FCF1: variants seen among roughly 807,000 people sequenced by gnomAD.
The protein encoded by FCF1 is rRNA-processing protein FCF1 homolog.
Under a neutral mutation model 32.5 loss-of-function variants are expected in FCF1, and 17 were observed. That is an observed-to-expected ratio of 0.52 (90% confidence interval 0.36 to 0.78). The LOEUF is 0.78. Ranked by LOEUF, FCF1 falls within the 30% of genes least tolerant of loss-of-function variation. FCF1 has a pLI of 0.00. For synonymous variants in FCF1, 84 were observed against 78.4 expected, an observed-to-expected ratio of 1.07 and a Z score of -0.38; for missense variants, 201 against 241.1, an observed-to-expected ratio of 0.83 and a Z score of 1.10.
At chr14:74,729,137 C>T (rs887751699) in intron 5 of FCF1, among the ~76,000 whole-genome samples, 3 of 152,100 alleles carry the variant, frequency 2.0e-5, no homozygotes, top group South Asian at 2.1e-4. Flanking sequence ...AGGGAGTATT[C>T]CCTCTTTTTC....
intron 6 of FCF1, 126 bp from the exon 7 acceptor site, chr14:74,733,950 C>T (rs3784021): frequency 0.22 from 138,724 of 622,850 alleles, 16,229 homozygotes; most frequent in South Asian, 0.31. Context: ...ATTGTTATAG[C>T]CTGCCCTTCG....
At chr14:74,718,943 A>C (rs1424113761) in intron 4 of FCF1, among the ~76,000 whole-genome samples, 1 of 151,904 alleles carries the variant, frequency 6.6e-6, no homozygotes, top group African/African-American at 2.4e-5. Flanking sequence ...CAGCCCGGCC[A>C]ACATGGTGAA....
At chr14:74,723,041 G>GT (rs1249355247) in intron 4 of FCF1, among the ~76,000 whole-genome samples, 7 of 151,958 alleles carry the variant, frequency 4.6e-5, no homozygotes, top group East Asian at 1.9e-4. Flanking sequence ...GTTCAGCTTA[G>GT]TTTTTTTTCC....
At position 74,730,286 on chromosome 14, in the gene FCF1, C is replaced by T. The variant is rs2090618459; in HGVS notation, c.366-2445C>T. 3.4e-5 allele frequency among the ~76,000 whole-genome samples: 5 copies of T among 149,064 alleles called. No homozygotes were observed. The Admixed American group carries it at 3.4e-4, about 10-fold the overall frequency. ...GGAGTGCAGTGATGCTATCACAGCT[C>T]ACTGCAGCCTTGACCTCTCCGGCTC... On this transcript the variant is annotated intron_variant, in intron 5 of 7. Coordinates refer to ENST00000341162, the MANE Select transcript of FCF1 (RefSeq NM_015962.5).
rs535610884 is a variant in FCF1, at chr14:74,725,144, A to G, written c.365+1800A>G. ...TGGAGTCAAGTATTGGCATCTTCTT[A>G]TGTACGTAATAGCAAAAAATTGCAG... On this transcript the variant is annotated intron_variant, in intron 5 of 7. Coordinates refer to ENST00000341162, the MANE Select transcript of FCF1 (RefSeq NM_015962.5). 6.4e-4 allele frequency among the ~76,000 whole-genome samples: 97 copies of G among 151,958 alleles called. 1 individual carries two copies. Among genetic ancestry groups the G allele is most frequent in the Non-Finnish European group, 1.3e-3 (91 of 67,978 alleles).
At chr14:74,723,370 T>A in intron 5 of FCF1, 26 bp downstream of exon 5, 1 of 1,511,834 alleles carries the variant, frequency 6.6e-7, no homozygotes, top group Non-Finnish European at 9.2e-7. Context: ...ACTAGATCTG[T>A]TCTAGATTGG....
At position 74,722,368 on chromosome 14, in the gene FCF1, G is replaced by C. The variant is rs1049461916; in HGVS notation, c.293-904G>C. Among the ~76,000 whole-genome samples the C allele has an allele frequency of 2.0e-5, 3 of 152,094 alleles. No individual in the cohort carries two copies. The East Asian group carries it at 5.8e-4, about 29-fold the overall frequency. On this transcript the variant is annotated intron_variant, in intron 4 of 7. Transcript: ENST00000341162. Reference sequence around the variant, plus strand: ...CGGCCAATATTGGATATTTTCATCTGTTTAATCTTTGCCACTCTTCTAGGT... The same window carrying C: ...CGGCCAATATTGGATATTTTCATCTCTTTAATCTTTGCCACTCTTCTAGGT...
chr14:74,716,000 C>T lies in FCF1; in HGVS notation c.193C>T (p.Pro65Ser). ...LFFQYNTQLG[P>S]PYHILVDTNF... ...TTTCCAATATAATACACAGCTGGGC[C>T]CACCTTACCACATCCTCGTTGATAC... The change falls in exon 4 of 8, where the codon CCA (proline) becomes TCA (serine). Residue 65 changes from proline (P) to serine (S), a missense_variant. Coordinates refer to ENST00000341162, the MANE Select transcript of FCF1 (RefSeq NM_015962.5). 1 of 1,613,896 alleles carries T rather than the reference C, an allele frequency of 6.2e-7. No individual in the cohort carries two copies.
chr14:74,720,363 C>T (rs1266331637), intron 4 of FCF1, among the ~76,000 whole-genome samples: 5 of 152,120 alleles, frequency 3.3e-5, no homozygotes, highest in Non-Finnish European at 5.9e-5. Flanking sequence ...CAACCCTCAC[C>T]ATTCTCTCTA....
chr14:74,725,150 G>A (rs11845499), intron 5 of FCF1, among the ~76,000 whole-genome samples: 5,739 of 151,778 alleles, frequency 0.038, 398 homozygotes, highest in African/African-American at 0.13. Flanking sequence ...TCTTATGTAC[G>A]TAATAGCAAA....
intron 3 of FCF1, 47 bp downstream of exon 3, chr14:74,714,990 T>C: frequency 6.5e-7 from 1 of 1,537,622 alleles, no homozygotes; most frequent in Non-Finnish European, 8.7e-7. Flanking sequence ...CATAGACCTC[T>C]TAGAAATCCA....
chr14:74,734,032 T>C (rs984120053), intron 6 of FCF1, 44 bp from the exon 7 acceptor site: 2 of 1,274,134 alleles, frequency 1.6e-6, no homozygotes, highest in Non-Finnish European at 1.1e-6. Context: ...TCACTAAGCG[T>C]GCTCAGTGAC....
In FCF1 at chr14:74,734,062, C is replaced by T; in HGVS notation, c.454-14C>T. The T allele has an allele frequency of 1.3e-6, 2 of 1,586,690 alleles. No individual in the cohort carries two copies. Among genetic ancestry groups the T allele is most frequent in the Non-Finnish European group, 1.7e-6 (2 of 1,155,204 alleles). ...AGTGACCTCAGTGTGAACATCACTCCATGTCTCTTACAGCATAAGTGTTAC... is the reference window on the plus strand; with the variant it reads ...AGTGACCTCAGTGTGAACATCACTCTATGTCTCTTACAGCATAAGTGTTAC... On this transcript the variant is annotated splice_polypyrimidine_tract_variant and intron_variant, in intron 6 of 7. Coordinates refer to ENST00000341162, the MANE Select transcript of FCF1 (RefSeq NM_015962.5).
chr14:74,729,004 C>T (rs2090603310), intron 5 of FCF1, among the ~76,000 whole-genome samples: 1 of 152,124 alleles, frequency 6.6e-6, no homozygotes, highest in East Asian at 1.9e-4. Flanking sequence ...TTTGATTTTC[C>T]CGTATTTTAT....
chr14:74,723,250 T>C lies in FCF1; in HGVS notation c.293-22T>C, dbSNP rs183412051. On this transcript the variant is annotated intron_variant, in intron 4 of 7. Coordinates refer to ENST00000341162, the MANE Select transcript of FCF1 (RefSeq NM_015962.5). Reference sequence around the variant, plus strand: ...ATTTCGTTACAAGTTCTGTTCTTAATGTGAATTTTTTTCCCTGGCAGGTAT... The same window carrying C: ...ATTTCGTTACAAGTTCTGTTCTTAACGTGAATTTTTTTCCCTGGCAGGTAT... 1.3e-4 allele frequency: 212 copies of C among 1,579,308 alleles called. No individual in the cohort carries two copies. The African/African-American group carries it at 2.6e-3, about 19-fold the overall frequency.
intron 4 of FCF1, among the ~76,000 whole-genome samples, chr14:74,718,842 C>G (rs1047679176): frequency 2.0e-5 from 3 of 151,938 alleles, no homozygotes; most frequent in African/African-American, 7.3e-5. Flanking sequence ...CATAACGAGA[C>G]CCCATGTCTA....
intron 5 of FCF1, among the ~76,000 whole-genome samples, chr14:74,724,471 A>G (rs1365892028): frequency 6.6e-6 from 1 of 152,116 alleles, no homozygotes; most frequent in African/African-American, 2.4e-5. Flanking sequence ...ATTTCAGTAG[A>G]GATGAGGTCT....
chr14:74,719,446 C>T (rs1477897981), intron 4 of FCF1, among the ~76,000 whole-genome samples: 21 of 151,680 alleles, frequency 1.4e-4, no homozygotes, highest in Admixed American at 1.2e-3. Flanking sequence ...ATGGTGTGAC[C>T]GCATCTCTAC....
At chr14:74,715,622 A>T in intron 3 of FCF1, 1 of 388,798 alleles carries the variant, frequency 2.6e-6, no homozygotes, top group South Asian at 2.2e-5. Flanking sequence ...TTGTTGTATC[A>T]TTCTAATCAC....
Sources: gnomAD v4.1 joint callset for allele counts (sites outside exome capture counted in the v4.1 genomes callset) on GRCh38, gnomAD v4.1.1 for gene constraint, MANE v1.5 for transcripts, NCBI Gene and HGNC (gene_info 2026-07-23, HGNC 2026-07-21) for gene names.